Variants in DOCK3 observed in about 807,000 individuals in gnomAD.
DOCK3 encodes the protein dedicator of cytokinesis 3, also known as dedicator of cytokinesis protein 3.
Under a neutral mutation model 265.6 loss-of-function variants are expected in DOCK3, and 60 were observed. The observed-to-expected ratio is 0.23, with a 90% CI of 0.18 to 0.28. The LOEUF (loss-of-function observed/expected upper bound fraction) is 0.28. Among genes scored for constraint, DOCK3 ranks in the 10% least tolerant of loss-of-function variants. DOCK3 has a pLI of 1.00. For synonymous variants in DOCK3, 881 were observed against 938.0 expected (o/e 0.94, Z 1.11); for missense variants, 1,981 against 2,594.3 (o/e 0.76, Z 5.14).
Position 50,910,809 on chromosome 3 carries a change from T to G in DOCK3, c.218+20728T>G, listed in dbSNP as rs575073803. On this transcript the variant is annotated intron_variant, in intron 4 of 52. Coordinates refer to ENST00000266037, the MANE Select transcript of DOCK3 (RefSeq NM_004947.5). ...TGGTGTAGGCAATGTGAGTCAGTCT[T>G]TCTTATCTCTTCAATGCTTCTTTCC... Among the ~76,000 whole-genome samples the G allele has an allele frequency of 2.0e-5, 3 of 152,264 alleles. No homozygotes were observed. In the East Asian group the frequency reaches 5.8e-4, roughly 29 times the overall value.
At chr3:51,019,788 C>G (rs1472080240) in intron 5 of DOCK3, among the ~76,000 whole-genome samples, 1 of 151,834 alleles carries the variant, frequency 6.6e-6, no homozygotes, top group Non-Finnish European at 1.5e-5. Context: ...CATTCATGTC[C>G]CTGCAGAAAA....
intron 6 of DOCK3, among the ~76,000 whole-genome samples, chr3:51,072,779 C>T (rs141962399): frequency 1.3e-5 from 2 of 152,056 alleles, no homozygotes; most frequent in African/African-American, 4.8e-5. Flanking sequence ...AATAATAATG[C>T]ACTACAGCCT....
intron 1 of DOCK3, among the ~76,000 whole-genome samples, chr3:50,725,774 G>C (rs2037784017): frequency 1.3e-5 from 2 of 152,150 alleles, no homozygotes; most frequent in South Asian, 4.1e-4. Flanking sequence ...TGACCTGTCT[G>C]CTATGAGGGA....
chr3:50,847,449 T>A (rs536078727), intron 3 of DOCK3, among the ~76,000 whole-genome samples: 118 of 152,186 alleles, frequency 7.8e-4, no homozygotes, highest in Non-Finnish European at 1.2e-3. Context: ...ATGAGAAAAA[T>A]CTGAGAATGT....
intron 3 of DOCK3, among the ~76,000 whole-genome samples, chr3:50,852,720 A>T (rs2107404462): frequency 6.6e-6 from 1 of 152,006 alleles, no homozygotes; most frequent in Middle Eastern, 3.5e-3. Context: ...TCAACTTTTA[A>T]CTTTCTGATT....
chr3:50,894,843 GTTAA>G (rs910500338), intron 4 of DOCK3, among the ~76,000 whole-genome samples: 20 of 151,992 alleles, frequency 1.3e-4, no homozygotes. Context: ...TACATAGTTG[GTTAA>G]TTAAGCTTTA....
At chr3:50,713,936 T>G (rs555125869) in intron 1 of DOCK3, among the ~76,000 whole-genome samples, 15 of 152,252 alleles carry the variant, frequency 9.9e-5, no homozygotes, top group African/African-American at 3.4e-4. Context: ...CATTATACCA[T>G]TATCTCTTTT....
intron 4 of DOCK3, among the ~76,000 whole-genome samples, chr3:50,909,194 G>A (rs942618756): frequency 6.6e-6 from 1 of 151,896 alleles, no homozygotes; most frequent in African/African-American, 2.4e-5. Flanking sequence ...CTTTTAATTG[G>A]GGCATTTAGC....
intron 22 of DOCK3, among the ~76,000 whole-genome samples, chr3:51,250,480 A>ATGG (rs2108637081): frequency 6.6e-6 from 1 of 152,176 alleles, no homozygotes; most frequent in African/African-American, 2.4e-5. Context: ...TTAACCGGGC[A>ATGG]TGGTGGCATG....
chr3:50,713,260 C>T (rs1019269155), intron 1 of DOCK3, among the ~76,000 whole-genome samples: 2 of 152,124 alleles, frequency 1.3e-5, no homozygotes, highest in Non-Finnish European at 2.9e-5. Context: ...TTATTTTTCT[C>T]CAGGGGTATG....
At chr3:51,035,359 C>CTAAT (rs754461604) in intron 5 of DOCK3, among the ~76,000 whole-genome samples, 3 of 152,044 alleles carry the variant, frequency 2.0e-5, no homozygotes, top group East Asian at 1.9e-4. Context: ...TTTATTCTGC[C>CTAAT]ATTAAGCTCA....
At chr3:50,682,498 C>T (rs987777768) in intron 1 of DOCK3, among the ~76,000 whole-genome samples, 2 of 152,296 alleles carry the variant, frequency 1.3e-5, no homozygotes, top group African/African-American at 4.8e-5. Flanking sequence ...CTTGGCCCTA[C>T]CCCTCTCTTT....
chr3:51,041,190 ATATATATATATATATTTTTTTTTTT>A (rs1364092173), intron 5 of DOCK3, among the ~76,000 whole-genome samples: 1 of 14,396 alleles, frequency 6.9e-5, no homozygotes, highest in African/African-American at 4.4e-4. Flanking sequence ...ATATATATAT[ATATATATATATATATTTTTTTTTTT>A]TTTTTTTTTT....
chr3:51,229,621 A>G lies in DOCK3; in HGVS notation c.1917+12A>G, dbSNP rs1204264020. 1.9e-6 allele frequency: 3 copies of G among 1,581,770 alleles called. No homozygotes were observed. The highest frequency in any genetic ancestry group is 2.6e-6 in the Non-Finnish European group (3 of 1,164,358). ...AGGAAATTGTTAAGGTATGTCTTCC[A>G]TATAATTTAAACATACTGCATGAGG... On this transcript the variant is annotated intron_variant, in intron 19 of 52. Transcript: ENST00000266037.
chr3:51,117,434 T>C (rs1219481504), intron 9 of DOCK3, among the ~76,000 whole-genome samples: 5 of 151,928 alleles, frequency 3.3e-5, no homozygotes, highest in Admixed American at 6.6e-5. Flanking sequence ...TCTTTTTTTA[T>C]TGTGTCCCTG....
At chr3:50,985,426 A>T (rs1050319119) in intron 5 of DOCK3, among the ~76,000 whole-genome samples, 7 of 152,278 alleles carry the variant, frequency 4.6e-5, no homozygotes, top group African/African-American at 1.7e-4. Context: ...TTCTTCCTGT[A>T]TCCTCACATT....
intron 1 of DOCK3, among the ~76,000 whole-genome samples, chr3:50,753,907 G>A (rs1258194897): frequency 3.3e-5 from 5 of 151,936 alleles, no homozygotes; most frequent in Non-Finnish European, 7.4e-5. Flanking sequence ...CTGCAGGCCA[G>A]CACTTTGGGA....
chr3:51,337,602 T>C (rs2084956625), intron 35 of DOCK3, among the ~76,000 whole-genome samples: 1 of 152,218 alleles, frequency 6.6e-6, no homozygotes, highest in South Asian at 2.1e-4. Context: ...GGAGATGTCT[T>C]GCTGGATTCA....
intron 25 of DOCK3, among the ~76,000 whole-genome samples, chr3:51,275,668 C>T (rs1448598692): frequency 6.6e-6 from 1 of 152,176 alleles, no homozygotes; most frequent in Admixed American, 6.5e-5. Context: ...TCAGGGCATA[C>T]GAGAGGTTAA....
Sources: allele counts gnomAD v4.1 joint callset (sites outside exome capture counted in the v4.1 genomes callset), GRCh38; gene constraint gnomAD v4.1.1; transcripts MANE v1.5; gene names NCBI Gene and HGNC (gene_info 2026-07-23, HGNC 2026-07-21).